Variants in NDUFB9 observed in about 807,000 individuals in gnomAD.
The protein encoded by NDUFB9 is NADH:ubiquinone oxidoreductase subunit B9, also known as NADH dehydrogenase [ubiquinone] 1 beta subcomplex subunit 9.
A neutral mutation model predicts 30.2 loss-of-function variants in NDUFB9; 24 were observed. That is an observed-to-expected ratio of 0.80 (90% confidence interval 0.58 to 1.12). The LOEUF is 1.12. Ranked by LOEUF, NDUFB9 falls within the 50% of genes most tolerant of loss-of-function variation. The probability of loss-of-function intolerance (pLI) is 0.00; values close to 1 mark genes in which losing one functional copy is unlikely to be tolerated. For missense variants in NDUFB9, 204 were observed against 226.0 expected (o/e 0.90, Z 0.62); for synonymous variants, 80 against 84.0 (o/e 0.95, Z 0.26).
chr8:124,539,467 G>T (rs868730807), intron 1 of NDUFB9, 180 bp downstream of exon 1: 24 of 628,310 alleles, frequency 3.8e-5, no homozygotes, highest in Middle Eastern at 8.6e-4. Context: ...TTATGGCCGG[G>T]AGACCTTGTA....
Position 124,539,279 on chromosome 8 carries a change from C to T in NDUFB9, c.93C>T (p.Cys31=). Residue 31 remains cysteine, a synonymous_variant, in exon 1 of 4, where the codon TGC becomes TGT. Coordinates refer to ENST00000276689, the MANE Select transcript of NDUFB9 (RefSeq NM_005005.3). ...KRALRHLESW[C]VQRDKYRYFA... ...CGCTACGCCACCTCGAGTCGTGGTG[C>T]GTCCAGAGGTAAGGGATGGGGACCC... The T allele has an allele frequency of 6.2e-7, 1 of 1,614,136 alleles. No homozygotes were observed. The highest frequency in any genetic ancestry group is 1.1e-5 in the South Asian group (1 of 91,082).
At chr8:124,542,210 C>T (rs1822024676) in intron 1 of NDUFB9, among the ~76,000 whole-genome samples, 1 of 152,144 alleles carries the variant, frequency 6.6e-6, no homozygotes, top group Non-Finnish European at 1.5e-5. Flanking sequence ...GCCACCATGC[C>T]CGGCCTCATT....
intron 1 of NDUFB9, among the ~76,000 whole-genome samples, chr8:124,539,788 G>A (rs923804971): frequency 1.5e-4 from 23 of 152,204 alleles, no homozygotes; most frequent in African/African-American, 4.8e-4. Context: ...CTAAGTGTCT[G>A]AGCCAGGGTT....
rs115825294 is a variant in NDUFB9, at chr8:124,543,727, G to A, written c.294+448G>A. Among the ~76,000 whole-genome samples, 176 of 152,232 alleles carry A rather than the reference G, an allele frequency of 1.2e-3. 2 individuals are homozygous for A. The highest frequency in any genetic ancestry group is 4.1e-3 in the African/African-American group (171 of 41,540). On this transcript the variant is annotated intron_variant, in intron 2 of 3. Coordinates refer to ENST00000276689, the MANE Select transcript of NDUFB9 (RefSeq NM_005005.3). ...CAGCAGACTTAATCGATAAATGTGCGTGTGCTGACTGTTTCACCGACCAAT... is the reference window on the plus strand; with the variant it reads ...CAGCAGACTTAATCGATAAATGTGCATGTGCTGACTGTTTCACCGACCAAT...
At chr8:124,543,319 C>CT in intron 2 of NDUFB9, 40 bp downstream of exon 2, 1 of 1,585,556 alleles carries the variant, frequency 6.3e-7, no homozygotes, top group Non-Finnish European at 8.7e-7. Flanking sequence ...GAGAAATAGA[C>CT]TTTGTTTCTT....
chr8:124,542,307 C>T (rs916799107), intron 1 of NDUFB9, among the ~76,000 whole-genome samples: 4 of 152,210 alleles, frequency 2.6e-5, no homozygotes, highest in African/African-American at 9.6e-5. Context: ...ACGCCTTGGC[C>T]TCCCAACGTG....
chr8:124,539,933 A>G (rs931613782), intron 1 of NDUFB9, among the ~76,000 whole-genome samples: 1 of 152,022 alleles, frequency 6.6e-6, no homozygotes, highest in Non-Finnish European at 1.5e-5. Flanking sequence ...TTCGACCTCT[A>G]TCCGTCTGAG....
chr8:124,544,284 A>G (rs562862395), intron 2 of NDUFB9, among the ~76,000 whole-genome samples: 54 of 152,358 alleles, frequency 3.5e-4, no homozygotes, highest in African/African-American at 1.2e-3. Context: ...GTTTAAGGAA[A>G]AAAGCCATCT....
rs1318626773 is a variant in NDUFB9, at chr8:124,543,243, T to G, written c.258T>G (p.Pro86=). Residue 86 remains proline (P), a synonymous_variant, in exon 2 of 4, where the codon CCT becomes CCG. Transcript: ENST00000276689. ...HPQPYIFPDS[P]GGTSYERYDC... The stretch of plus-strand genomic sequence containing the variant: ...AGCCATACATCTTCCCTGACTCTCC[T>G]GGGGGCACCTCCTATGAGAGATACG... The G allele has an allele frequency of 6.2e-7, 1 of 1,614,056 alleles. No individual in the cohort carries two copies. The highest frequency in any genetic ancestry group is 1.3e-5 in the African/African-American group (1 of 74,908).
chr8:124,549,941 A>G lies in NDUFB9; in HGVS notation c.*49A>G. 1 of 1,613,428 alleles carries G rather than the reference A, an allele frequency of 6.2e-7. No homozygotes were observed. Among genetic ancestry groups the G allele is most frequent in the Non-Finnish European group, 8.5e-7 (1 of 1,179,658 alleles). ...TGCTTGCAAGTGAAATATGTTACAG[A>G]ACATGCACTTGCCCTAATAAAAAAT... On this transcript the variant is annotated 3_prime_UTR_variant, in exon 4 of 4. Transcript: ENST00000276689.
Position 124,539,195 on chromosome 8 carries a change from C to A in NDUFB9, c.9C>A (p.Phe3Leu). The change falls in exon 1 of 4, where the codon TTC becomes TTA. Residue 3 changes from phenylalanine to leucine, a missense_variant. Phe to Leu is a conservative substitution (Grantham distance 22). Coordinates refer to ENST00000276689, the MANE Select transcript of NDUFB9 (RefSeq NM_005005.3). Reference protein sequence around the residue: MAFLASGPYLTHQ... With the variant: MALLASGPYLTHQ... ...GGAAGGTCAGCGCCGTAATGGCGTT[C>A]TTGGCGTCGGGACCCTACCTGACCC... is the stretch of plus-strand genomic sequence containing the variant. 1 of 1,614,226 alleles carries A rather than the reference C, an allele frequency of 6.2e-7. No homozygotes were observed. Among genetic ancestry groups the A allele is most frequent in the East Asian group, 2.2e-5 (1 of 44,886 alleles).
rs746709110 is a variant in NDUFB9 at position 124,539,145 on chromosome 8, G to T, written c.-42G>T. 1 of 1,613,488 alleles carries T rather than the reference G, an allele frequency of 6.2e-7. No homozygotes were observed. Among genetic ancestry groups the T allele is most frequent in the Non-Finnish European group, 8.5e-7 (1 of 1,179,378 alleles). On this transcript the variant is annotated 5_prime_UTR_variant, in exon 1 of 4. Transcript: ENST00000276689. The stretch of plus-strand genomic sequence containing the variant: ...CTCAGTCACCCGCAGCAGGCGTGCA[G>T]TTTCCCGGCTCTCCGCGCGGCCGGG...
intron 2 of NDUFB9, among the ~76,000 whole-genome samples, chr8:124,546,471 T>C (rs1007014689): frequency 1.3e-5 from 2 of 152,210 alleles, no homozygotes; most frequent in African/African-American, 2.4e-5. Flanking sequence ...TGATATTTGC[T>C]ATATTGCAGC....
intron 1 of NDUFB9, among the ~76,000 whole-genome samples, chr8:124,541,984 C>T (rs1306616072): frequency 6.7e-6 from 1 of 149,958 alleles, no homozygotes; most frequent in East Asian, 2.0e-4. Context: ...GGCACAATCT[C>T]GACTCACTGC....
In NDUFB9 at chr8:124,547,403, CCT is replaced by C. The variant is rs532852409; in HGVS notation, c.408+294_408+295del. ...TCTTGCTATACTTTCCCTCAACCTG[CCT>C]CTCCACTATTTTCTTAGGCATTTTT... is the stretch of plus-strand genomic sequence containing the variant. On this transcript the variant is annotated intron_variant, in intron 3 of 3. Transcript: ENST00000276689. 1,948 of 602,528 alleles carry C rather than the reference CCT, an allele frequency of 3.2e-3. 2 individuals are homozygous for C. The highest frequency in any genetic ancestry group is 4.1e-3 in the Non-Finnish European group (1,380 of 340,602). The allele number at this position is 602,528 out of a possible 1,614,324, so 37.3% of individuals were successfully genotyped here. A position where few individuals can be genotyped will look rare whatever the true frequency, so the allele number is the denominator to read the frequency against.
At chr8:124,548,699 G>T (rs1262756137) in intron 3 of NDUFB9, among the ~76,000 whole-genome samples, 1 of 152,120 alleles carries the variant, frequency 6.6e-6, no homozygotes, top group African/African-American at 2.4e-5. Context: ...TATTCGAAAG[G>T]AAGCTGTTGT....
At chr8:124,547,169 G>A in intron 3 of NDUFB9, 56 bp downstream of exon 3, 3 of 1,360,000 alleles carry the variant, frequency 2.2e-6, no homozygotes, top group Non-Finnish European at 3.2e-6. Flanking sequence ...GTGAAGTTTT[G>A]CTCCCCACAA....
rs781006386 is a variant in NDUFB9, at chr8:124,543,206, G to A, written c.221G>A (p.Arg74His). ...GAGGCCGAGGAAGAATTCTGGTACCGTCAGCATCCACAGCCATACATCTTC... is the reference window on the plus strand; with the variant it reads ...GAGGCCGAGGAAGAATTCTGGTACCATCAGCATCCACAGCCATACATCTTC... Reference protein sequence around the residue: ...LKEAEEEFWYRQHPQPYIFPD... With the variant: ...LKEAEEEFWYHQHPQPYIFPD... The change falls in exon 2 of 4, where the codon CGT becomes CAT. Residue 74 changes from arginine (R) to histidine (H), a missense_variant. By Grantham distance (29) the Arg-to-His change is conservative (BLOSUM62 0). Coordinates refer to ENST00000276689, the MANE Select transcript of NDUFB9 (RefSeq NM_005005.3). 1.3e-5 allele frequency: 21 copies of A among 1,614,096 alleles called. No homozygotes were observed. The highest frequency in any genetic ancestry group is 3.3e-5 in the Admixed American group (2 of 60,008).
intron 3 of NDUFB9, 95 bp downstream of exon 3, chr8:124,547,208 T>C: frequency 1.1e-6 from 1 of 891,704 alleles, no homozygotes; most frequent in Non-Finnish European, 1.9e-6. Context: ...GCCATGACAG[T>C]TACTCTGGGC....
Sources: allele counts gnomAD v4.1 joint callset (sites outside exome capture counted in the v4.1 genomes callset), GRCh38; gene constraint gnomAD v4.1.1; transcripts MANE v1.5; gene names NCBI Gene and HGNC (gene_info 2026-07-23, HGNC 2026-07-21).